SUPT5H: variants seen among roughly 807,000 people sequenced by gnomAD.
SUPT5H encodes the protein transcription elongation factor SPT5.
SUPT5H carries 24 observed loss-of-function variants against 142.5 expected under a neutral mutation model. The ratio of observed to expected loss-of-function variants is 0.17; its 90% CI spans 0.12 to 0.24. The LOEUF is 0.24. SUPT5H is among the 10% of genes least tolerant of loss of function. The probability of loss-of-function intolerance (pLI) is 1.00; values close to 1 mark genes in which losing one functional copy is unlikely to be tolerated. For missense variants in SUPT5H, 893 were observed against 1,471.8 expected (o/e 0.61, Z 6.43); for synonymous variants, 546 against 553.0 (o/e 0.99, Z 0.18).
intron 3 of SUPT5H, among the ~76,000 whole-genome samples, chr19:39,454,410 C>T (rs1367038503): frequency 1.4e-5 from 2 of 143,022 alleles, no homozygotes; most frequent in African/African-American, 2.6e-5. Context: ...TGCAGTGGTG[C>T]GATGGCTCAC....
chr19:39,451,452 C>T (rs558330552), intron 2 of SUPT5H, among the ~76,000 whole-genome samples: 35 of 152,128 alleles, frequency 2.3e-4, no homozygotes, highest in Admixed American at 5.2e-4. Context: ...CGAGCCACCG[C>T]GCCCAGCCTG....
In SUPT5H at chr19:39,468,795, C is replaced by T. The variant is rs777592586; in HGVS notation, c.1077C>T (p.Leu359=). 57 of 1,614,012 alleles carry T rather than the reference C, an allele frequency of 3.5e-5. No homozygotes were observed. The highest frequency in any genetic ancestry group is 4.7e-5 in the Non-Finnish European group (55 of 1,180,016). The change falls in exon 14 of 30, where the codon CTC becomes CTT. Residue 359 remains leucine, a synonymous_variant. Coordinates refer to ENST00000432763, the MANE Select transcript of SUPT5H (RefSeq NM_001111020.3). ...GGDVASDGDF[L]IFEGNRYSRK... is the part of the protein sequence containing the mutation. ...ATGTTGCCTCTGATGGTGACTTCCT[C>T]ATCTTTGAGGGGAACCGTTACAGCC...
intron 3 of SUPT5H, among the ~76,000 whole-genome samples, chr19:39,455,795 G>C (rs1312826987): frequency 6.7e-6 from 1 of 149,842 alleles, no homozygotes. Context: ...GCTAATTTTT[G>C]TATTTTTAGT....
chr19:39,464,776 C>A (rs1376343004), intron 10 of SUPT5H, 22 bp from the exon 11 acceptor site: 1 of 1,577,920 alleles, frequency 6.3e-7, no homozygotes, highest in Admixed American at 1.7e-5. Flanking sequence ...CTGTTTCCTC[C>A]TTCCACCGGC....
Position 39,458,594 on chromosome 19 carries a change from C to A in SUPT5H, c.320-224C>A. On this transcript the variant is annotated intron_variant, in intron 5 of 29. Coordinates refer to ENST00000432763, the MANE Select transcript of SUPT5H (RefSeq NM_001111020.3). This position sits in a 1 kb window ranked among gnomAD's most constrained non-coding sequence, Gnocchi z 4.2. ...TGCCTGGACTTTGAGATGGGAACAGCTGGAAGCCCCCCAACTTGCTGGGCC... is the reference window on the plus strand; with the variant it reads ...TGCCTGGACTTTGAGATGGGAACAGATGGAAGCCCCCCAACTTGCTGGGCC... 1.4e-6 allele frequency: 1 copy of A among 696,118 alleles called. No homozygotes were observed. Among genetic ancestry groups the A allele is most frequent in the Non-Finnish European group, 2.4e-6 (1 of 422,608 alleles). 43.1% of individuals were successfully genotyped at this position (696,118 alleles called of 1,614,324 possible). A position where few individuals can be genotyped will look rare whatever the true frequency, so the allele number is the denominator to read the frequency against.
chr19:39,468,690 CTG>C (rs894622875), intron 13 of SUPT5H, 64 bp from the exon 14 acceptor site: 13 of 1,441,796 alleles, frequency 9.0e-6, no homozygotes, highest in Admixed American at 8.6e-5. Flanking sequence ...GCTGAGAAGA[CTG>C]AGGTACAGCA....
In SUPT5H at chr19:39,476,295, G is replaced by T; in HGVS notation, c.3160G>T (p.Val1054Phe). ...ILGEDREATGVLLSIDGEDGI... is the reference protein window; with the variant it reads ...ILGEDREATGFLLSIDGEDGI... ...GGGCGAGGATCGGGAAGCCACGGGC[G>T]TCCTACTGAGCATTGATGGTGAGGA... The change falls in exon 30 of 30, where the codon GTC (valine) becomes TTC (phenylalanine). Residue 1054 changes from valine to phenylalanine, a missense_variant. Val to Phe is a conservative substitution (Grantham distance 50). This residue lies in a region of SUPT5H where 336 missense variants were observed against 546.5 expected (regional missense o/e 0.61). Transcript: ENST00000432763. The T allele has an allele frequency of 6.2e-7, 1 of 1,614,112 alleles. No homozygotes were observed. Among genetic ancestry groups the T allele is most frequent in the Non-Finnish European group, 8.5e-7 (1 of 1,180,034 alleles).
At chr19:39,468,930 C>T (rs2079280024) in intron 14 of SUPT5H, 69 bp downstream of exon 14, 1 of 1,560,024 alleles carries the variant, frequency 6.4e-7, no homozygotes, top group Non-Finnish European at 8.8e-7. Context: ...ATGCCCTGGG[C>T]TGTGGGTTAT....
In SUPT5H at chr19:39,470,092, T is replaced by G; in HGVS notation, c.1375-27T>G. The G allele has an allele frequency of 1.9e-6, 3 of 1,606,030 alleles. No homozygotes were observed. The highest frequency in any genetic ancestry group is 1.7e-6 in the Non-Finnish European group (2 of 1,174,622). On this transcript the variant is annotated intron_variant, in intron 16 of 29. Coordinates refer to ENST00000432763, the MANE Select transcript of SUPT5H (RefSeq NM_001111020.3). This position sits in a 1 kb window ranked among gnomAD's most constrained non-coding sequence, Gnocchi z 5.8. The stretch of plus-strand genomic sequence containing the variant: ...GTTGTGGTGGTCTCCCTTCACCTGT[T>G]TGTTGTCCCCACACCCAATCCCCCA...
intron 2 of SUPT5H, 125 bp downstream of exon 2, chr19:39,446,090 CAA>C (rs1450662344): frequency 1.9e-6 from 2 of 1,070,734 alleles, no homozygotes; most frequent in African/African-American, 3.1e-5. Flanking sequence ...CAGATTGTCT[CAA>C]GAGATAGAGA....
intron 3 of SUPT5H, among the ~76,000 whole-genome samples, chr19:39,456,581 C>G (rs1040426003): frequency 6.6e-6 from 1 of 151,644 alleles, no homozygotes; most frequent in Non-Finnish European, 1.5e-5. Context: ...CCATACCTGA[C>G]TAATTTTTTG....
rs369717101 is a variant in SUPT5H, at chr19:39,474,115, C to T, written c.2645C>T (p.Pro882Leu). ...TACAACCCGCAGACGCCAGGGACGC[C>T]GGCCATGTGAGTCCACTGGGGCCTG... ...PQYNPQTPGT[P>L]AMYNTDQFSP... Residue 882 changes from proline (P) to leucine (L), a missense_variant, in exon 26 of 30, where the codon CCG becomes CTG. By Grantham distance (98) the Pro-to-Leu change is moderately conservative. This residue lies in a region of SUPT5H where 336 missense variants were observed against 546.5 expected (regional missense o/e 0.61). Coordinates refer to ENST00000432763, the MANE Select transcript of SUPT5H (RefSeq NM_001111020.3). This position sits in a 1 kb window ranked among gnomAD's most constrained non-coding sequence, Gnocchi z 6.5. 15 of 1,599,160 alleles carry T rather than the reference C, an allele frequency of 9.4e-6. No individual in the cohort carries two copies. Among genetic ancestry groups the T allele is most frequent in the Non-Finnish European group, 1.2e-5 (14 of 1,171,190 alleles).
chr19:39,454,503 C>T (rs1471077187), intron 3 of SUPT5H, among the ~76,000 whole-genome samples: 1 of 151,980 alleles, frequency 6.6e-6, no homozygotes, highest in African/African-American at 2.4e-5. Flanking sequence ...TGCCACCATG[C>T]CTGGCTAATT....
intron 2 of SUPT5H, among the ~76,000 whole-genome samples, chr19:39,451,052 T>C (rs1211167966): frequency 6.6e-6 from 1 of 152,018 alleles, no homozygotes; most frequent in East Asian, 1.9e-4. Flanking sequence ...ACATTGAGTA[T>C]TATCTAAAAT....
chr19:39,468,377 A>G, intron 13 of SUPT5H: 1 of 236,932 alleles, frequency 4.2e-6, no homozygotes, highest in South Asian at 5.9e-5. Context: ...ATTGTCTGAA[A>G]CTGTTATTTT....
chr19:39,465,851 G>T (rs1399037785), intron 11 of SUPT5H, among the ~76,000 whole-genome samples: 1 of 152,182 alleles, frequency 6.6e-6, no homozygotes, highest in African/African-American at 2.4e-5. Context: ...CACGTTGAGT[G>T]TCTCTAACCT....
chr19:39,463,341 C>T (rs746197524), intron 10 of SUPT5H, among the ~76,000 whole-genome samples: 8 of 152,056 alleles, frequency 5.3e-5, no homozygotes, highest in Admixed American at 2.0e-4. Flanking sequence ...TATACATTTA[C>T]TTCTAAGCAT....
In SUPT5H at chr19:39,455,416, G is replaced by A. The variant is rs567149792; in HGVS notation, c.241+1895G>A. Among the ~76,000 whole-genome samples the A allele has an allele frequency of 5.3e-5, 8 of 151,938 alleles. No homozygotes were observed. In the South Asian group the frequency reaches 1.7e-3, roughly 32 times the overall value. ...GTCTCTACTAAAAATACAAAAATTA[G>A]CTGGGCGTGGTGGCGGGCGCCTGTA... On this transcript the variant is annotated intron_variant, in intron 3 of 29. Coordinates refer to ENST00000432763, the MANE Select transcript of SUPT5H (RefSeq NM_001111020.3).
chr19:39,472,615 C>A lies in SUPT5H; in HGVS notation c.2035+122C>A. On this transcript the variant is annotated intron_variant, in intron 21 of 29. Transcript: ENST00000432763. This position sits in a 1 kb window ranked among gnomAD's most constrained non-coding sequence, Gnocchi z 4.2. ...GGGCACTGCTATTAGGGGTTCACCA[C>A]CCACAGGAGGGTAGACGCCACAGTG... 1 of 1,382,686 alleles carries A rather than the reference C, an allele frequency of 7.2e-7. No homozygotes were observed. Among genetic ancestry groups the A allele is most frequent in the Non-Finnish European group, 9.9e-7 (1 of 1,010,344 alleles). 85.7% of individuals were successfully genotyped at this position (1,382,686 alleles called of 1,614,324 possible).
Sources: gnomAD v4.1 joint callset for allele counts (sites outside exome capture counted in the v4.1 genomes callset) on GRCh38, gnomAD v4.1.1 for gene constraint, gnomAD v4.1.1 regional missense constraint, Gnocchi (gnomAD v3.1) non-coding constraint, MANE v1.5 for transcripts, NCBI Gene and HGNC (gene_info 2026-07-23, HGNC 2026-07-21) for gene names.